ERBB4: variants seen among roughly 807,000 people sequenced by gnomAD.
The protein encoded by ERBB4 is erb-b2 receptor tyrosine kinase 4, also known as receptor tyrosine-protein kinase erbB-4.
In ERBB4, 42 loss-of-function variants were observed where a neutral mutation model predicts 158.0. The observed-to-expected ratio is 0.27, with a 90% CI of 0.21 to 0.34. The LOEUF is 0.34. Ranked by LOEUF, ERBB4 falls within the 10% of genes least tolerant of loss-of-function variation. ERBB4 has a pLI of 1.00. For synonymous variants in ERBB4, 583 were observed against 558.7 expected (o/e 1.04, Z -0.61); for missense variants, 1,333 against 1,624.1 (o/e 0.82, Z 3.08).
intron 5 of ERBB4, among the ~76,000 whole-genome samples, chr2:211,730,314 A>C (rs1333727008): frequency 6.6e-6 from 1 of 152,018 alleles, no homozygotes; most frequent in Non-Finnish European, 1.5e-5. Flanking sequence ...GAATATTCAT[A>C]AATAATGCAA....
chr2:212,088,747 T>C (rs1318493024), intron 2 of ERBB4, among the ~76,000 whole-genome samples: 4 of 152,124 alleles, frequency 2.6e-5, no homozygotes, highest in Non-Finnish European at 5.9e-5. Flanking sequence ...ATTACTTAAA[T>C]GCCTATAAGA....
intron 1 of ERBB4, among the ~76,000 whole-genome samples, chr2:212,136,734 G>A (rs549351740): frequency 2.0e-5 from 3 of 152,294 alleles, no homozygotes; most frequent in Non-Finnish European, 4.4e-5. Context: ...TCAGGGTAAA[G>A]TTGTGTCTAA....
At chr2:212,416,984 A>T (rs566068609) in intron 1 of ERBB4, among the ~76,000 whole-genome samples, 16 of 152,046 alleles carry the variant, frequency 1.1e-4, no homozygotes, top group African/African-American at 2.9e-4. Flanking sequence ...TTACTTTCCT[A>T]CAGGGAATAT....
intron 1 of ERBB4, among the ~76,000 whole-genome samples, chr2:212,390,052 A>G (rs2090808684): frequency 6.6e-6 from 1 of 151,904 alleles, no homozygotes; most frequent in African/African-American, 2.4e-5. Context: ...TAGTAATATA[A>G]TGGCCAAGTT....
intron 1 of ERBB4, among the ~76,000 whole-genome samples, chr2:212,197,415 A>T (rs1055704211): frequency 9.9e-5 from 15 of 152,148 alleles, no homozygotes; most frequent in African/African-American, 3.1e-4. Flanking sequence ...GTAAATGATT[A>T]TGGGCCCAGT....
intron 19 of ERBB4, among the ~76,000 whole-genome samples, chr2:211,617,820 T>C (rs1246633669): frequency 6.6e-6 from 1 of 152,104 alleles, no homozygotes; most frequent in Admixed American, 6.6e-5. Flanking sequence ...GCTTGCATCA[T>C]TTTTCATATG....
At chr2:211,740,759 C>A (rs113010893) in intron 5 of ERBB4, among the ~76,000 whole-genome samples, 29,445 of 151,128 alleles carry the variant, frequency 0.19, 2,992 homozygotes, top group Middle Eastern at 0.23. Context: ...TATAGGCGCC[C>A]GCCACCACAC....
intron 1 of ERBB4, among the ~76,000 whole-genome samples, chr2:212,327,796 T>A (rs2087927216): frequency 6.8e-6 from 1 of 147,696 alleles, no homozygotes; most frequent in African/African-American, 2.5e-5. Context: ...CACAATTAAG[T>A]CATAAAAATT....
At chr2:211,632,193 G>A (rs1464857483) in intron 16 of ERBB4, among the ~76,000 whole-genome samples, 1 of 151,972 alleles carries the variant, frequency 6.6e-6, no homozygotes, top group African/African-American at 2.4e-5. Context: ...ATTTTCTAAA[G>A]ATATAAAAAT....
At chr2:211,516,627 G>A (rs903205239) in intron 20 of ERBB4, among the ~76,000 whole-genome samples, 3 of 151,960 alleles carry the variant, frequency 2.0e-5, no homozygotes, top group Non-Finnish European at 2.9e-5. Context: ...GAACCACTGC[G>A]CCCAACCTGT....
intron 1 of ERBB4, among the ~76,000 whole-genome samples, chr2:212,240,234 C>T (rs1292438924): frequency 3.3e-5 from 5 of 151,996 alleles, no homozygotes; most frequent in East Asian, 3.9e-4. Context: ...TTTAGAAAAC[C>T]GCAGAAGCAA....
chr2:211,422,966 C>T (rs1211989670), intron 23 of ERBB4, among the ~76,000 whole-genome samples: 1 of 151,818 alleles, frequency 6.6e-6, no homozygotes, highest in African/African-American at 2.4e-5. Context: ...CCTTCCTTTT[C>T]CGGGAGTTCA....
intron 1 of ERBB4, among the ~76,000 whole-genome samples, chr2:212,140,819 T>C (rs1459276839): frequency 6.6e-6 from 1 of 150,500 alleles, no homozygotes; most frequent in Non-Finnish European, 1.5e-5. Context: ...CAAACCAATT[T>C]CCCACCTGAA....
At chr2:211,399,911 T>C (rs2062997994) in intron 25 of ERBB4, among the ~76,000 whole-genome samples, 1 of 152,134 alleles carries the variant, frequency 6.6e-6, no homozygotes, top group South Asian at 2.1e-4. Flanking sequence ...CTACAAGTGG[T>C]ACATATCACC....
chr2:211,413,438 T>A (rs375922634), intron 25 of ERBB4, among the ~76,000 whole-genome samples: 1 of 150,694 alleles, frequency 6.6e-6, no homozygotes, highest in Non-Finnish European at 1.5e-5. Flanking sequence ...TCTTTTGTCT[T>A]AATAAAAACA....
At chr2:211,850,014 C>T (rs532412232) in intron 3 of ERBB4, among the ~76,000 whole-genome samples, 1 of 151,982 alleles carries the variant, frequency 6.6e-6, no homozygotes, top group Non-Finnish European at 1.5e-5. Context: ...CAAGACGCTG[C>T]CTGCAATTAT....
intron 13 of ERBB4, among the ~76,000 whole-genome samples, chr2:211,676,671 C>T (rs989640545): frequency 3.3e-5 from 5 of 152,114 alleles, no homozygotes; most frequent in African/African-American, 1.2e-4. Context: ...CTTAATTAAA[C>T]CAGTTCCCTA....
chr2:211,609,540 T>C (rs1248022351), intron 19 of ERBB4, among the ~76,000 whole-genome samples: 3 of 152,144 alleles, frequency 2.0e-5, no homozygotes, highest in Non-Finnish European at 4.4e-5. Flanking sequence ...TTAAAGTCTT[T>C]TAATTAGGCA....
chr2:211,409,160 T>C (rs991141429), intron 25 of ERBB4, among the ~76,000 whole-genome samples: 1 of 152,118 alleles, frequency 6.6e-6, no homozygotes. Context: ...GATTATTATA[T>C]ATATATTTTT....
Sources: allele counts gnomAD v4.1 joint callset (sites outside exome capture counted in the v4.1 genomes callset), GRCh38; gene constraint gnomAD v4.1.1; transcripts MANE v1.5; gene names NCBI Gene and HGNC (gene_info 2026-07-23, HGNC 2026-07-21).